The following PCDH9 variants were observed in gnomAD, a reference collection of about 807,000 sequenced individuals.
The protein encoded by PCDH9 is protocadherin 9.
PCDH9 carries 24 observed loss-of-function variants against 70.6 expected under a neutral mutation model. The ratio of observed to expected loss-of-function variants is 0.34; its 90% CI spans 0.25 to 0.48. The LOEUF is 0.48. PCDH9 is among the 20% of genes least tolerant of loss of function. PCDH9 has a pLI of 0.99. For synonymous variants in PCDH9, 562 were observed against 558.5 expected (o/e 1.01, Z -0.09); for missense variants, 1,281 against 1,503.6 (o/e 0.85, Z 2.45).
intron 3 of PCDH9, among the ~76,000 whole-genome samples, chr13:66,778,592 T>G (rs961335859): frequency 5.3e-5 from 8 of 152,198 alleles, no homozygotes; most frequent in African/African-American, 1.9e-4. Context: ...AAGTTTGAAA[T>G]TACACAAGAA....
At chr13:66,452,825 C>A (rs6562456) in intron 4 of PCDH9, among the ~76,000 whole-genome samples, 3,694 of 152,238 alleles carry the variant, frequency 0.024, 170 homozygotes, top group African/African-American at 0.085. Context: ...TAAACATATA[C>A]TGTTTTAATC....
At chr13:67,041,713 C>G (rs1295800912) in intron 2 of PCDH9, among the ~76,000 whole-genome samples, 2 of 151,802 alleles carry the variant, frequency 1.3e-5, no homozygotes, top group Admixed American at 1.3e-4. Context: ...CACCTGTAGT[C>G]CCAGCTACTC....
At chr13:66,335,133 T>TC (rs1052877669) in intron 4 of PCDH9, among the ~76,000 whole-genome samples, 14 of 152,036 alleles carry the variant, frequency 9.2e-5, no homozygotes, top group Non-Finnish European at 2.1e-4. Flanking sequence ...ACTACAGAAA[T>TC]CCTTACTATT....
chr13:66,422,215 C>G (rs951100240), intron 4 of PCDH9, among the ~76,000 whole-genome samples: 2 of 152,168 alleles, frequency 1.3e-5, no homozygotes, highest in Non-Finnish European at 2.9e-5. Flanking sequence ...TAATGGGAGA[C>G]TTTAACACCC....
chr13:66,820,985 CTTAAAA>C (rs1264386227), intron 3 of PCDH9, among the ~76,000 whole-genome samples: 1 of 151,992 alleles, frequency 6.6e-6, no homozygotes, highest in African/African-American at 2.4e-5. Context: ...TTCCCCTGAA[CTTAAAA>C]TTTAAAAAAA....
chr13:66,889,864 A>G (rs1259380527), intron 3 of PCDH9, among the ~76,000 whole-genome samples: 1 of 152,154 alleles, frequency 6.6e-6, no homozygotes, highest in Non-Finnish European at 1.5e-5. Context: ...TTTGGCGAAA[A>G]AATAGGACAA....
chr13:66,307,776 C>G (rs1380044330), intron 4 of PCDH9, among the ~76,000 whole-genome samples: 1 of 152,016 alleles, frequency 6.6e-6, no homozygotes, highest in Non-Finnish European at 1.5e-5. Flanking sequence ...CCTTATGCAA[C>G]ACACTCTGCC....
intron 2 of PCDH9, among the ~76,000 whole-genome samples, chr13:67,035,538 G>T (rs1027279498): frequency 4.7e-5 from 7 of 149,672 alleles, no homozygotes; most frequent in Non-Finnish European, 7.4e-5. Context: ...AACAAATACT[G>T]CTTAAAGAAA....
intron 2 of PCDH9, among the ~76,000 whole-genome samples, chr13:67,075,466 C>A (rs1195547108): frequency 6.6e-6 from 1 of 152,058 alleles, no homozygotes; most frequent in African/African-American, 2.4e-5. Context: ...TTCAAACTTG[C>A]TTTGCCATTC....
At chr13:66,921,711 G>A (rs769184087) in intron 2 of PCDH9, among the ~76,000 whole-genome samples, 5 of 151,250 alleles carry the variant, frequency 3.3e-5, no homozygotes, top group Non-Finnish European at 7.4e-5. Context: ...CCTCAAGGGA[G>A]GACCACGTAT....
intron 4 of PCDH9, among the ~76,000 whole-genome samples, chr13:66,588,243 T>C (rs1262297644): frequency 6.6e-6 from 1 of 152,002 alleles, no homozygotes; most frequent in African/African-American, 2.4e-5. Flanking sequence ...CATTTAATAG[T>C]GCTAGAGCTC....
chr13:67,048,998 T>C (rs545538956), intron 2 of PCDH9, among the ~76,000 whole-genome samples: 1 of 152,220 alleles, frequency 6.6e-6, no homozygotes, highest in Non-Finnish European at 1.5e-5. Context: ...ACCAAAAATC[T>C]GAGTCACCCT....
At chr13:67,191,973 T>G (rs2088926599) in intron 2 of PCDH9, among the ~76,000 whole-genome samples, 1 of 149,908 alleles carries the variant, frequency 6.7e-6, no homozygotes, top group Non-Finnish European at 1.5e-5. Context: ...AAAATTAGCT[T>G]GAGTAGAAAT....
intron 4 of PCDH9, among the ~76,000 whole-genome samples, chr13:66,541,319 TAA>T (rs1301648150): frequency 5.3e-5 from 8 of 152,084 alleles, no homozygotes; most frequent in Non-Finnish European, 7.4e-5. Flanking sequence ...CTCCAGGTGT[TAA>T]GAGTAATGAG....
intron 3 of PCDH9, among the ~76,000 whole-genome samples, chr13:66,889,948 T>C (rs2082068896): frequency 1.3e-5 from 2 of 152,178 alleles, no homozygotes; most frequent in Non-Finnish European, 2.9e-5. Flanking sequence ...GTATTGATTT[T>C]AATCAAATAC....
Position 67,227,222 on chromosome 13 carries a change from C to T in PCDH9, c.1219G>A (p.Val407Ile). 1.9e-6 allele frequency: 3 copies of T among 1,613,634 alleles called. No homozygotes were observed. The highest frequency in any genetic ancestry group is 2.5e-6 in the Non-Finnish European group (3 of 1,179,512). ...TATACCGCCTTCAAATGAAATGGGA[C>T]CTCTCTTTCAATAAAACAGATCACT... is the stretch of plus-strand genomic sequence containing the variant. ...GKVICFIERE[V>I]PFHLKAVYDN... Residue 407 changes from valine to isoleucine, a missense_variant, in exon 2 of 5, where the codon GTC becomes ATC. Coordinates refer to ENST00000377865, the MANE Select transcript of PCDH9 (RefSeq NM_203487.3). This position sits in a 1 kb window ranked among gnomAD's most constrained non-coding sequence, Gnocchi z 4.6.
intron 4 of PCDH9, among the ~76,000 whole-genome samples, chr13:66,359,980 G>T (rs1367061949): frequency 6.6e-6 from 1 of 152,022 alleles, no homozygotes; most frequent in Non-Finnish European, 1.5e-5. Flanking sequence ...TAGATGTGAT[G>T]AAAAAGAAGT....
At chr13:66,420,079 C>G (rs982319534) in intron 4 of PCDH9, among the ~76,000 whole-genome samples, 5 of 152,124 alleles carry the variant, frequency 3.3e-5, no homozygotes, top group African/African-American at 1.2e-4. Flanking sequence ...GTGCAGAGCC[C>G]ACCACGGTGC....
chr13:66,998,026 G>C (rs1191710651), intron 2 of PCDH9, among the ~76,000 whole-genome samples: 2 of 152,192 alleles, frequency 1.3e-5, no homozygotes, highest in Non-Finnish European at 2.9e-5. Context: ...AAGATATGTA[G>C]ATGCAGATTG....
Sources: allele counts gnomAD v4.1 joint callset (sites outside exome capture counted in the v4.1 genomes callset), GRCh38; gene constraint gnomAD v4.1.1; non-coding constraint Gnocchi (gnomAD v3.1); transcripts MANE v1.5; gene names NCBI Gene and HGNC (gene_info 2026-07-23, HGNC 2026-07-21).